Variants in CDCP1 observed in about 807,000 individuals in gnomAD.
The protein encoded by CDCP1 is CUB domain containing protein 1.
CDCP1 carries 29 observed loss-of-function variants against 60.2 expected under a neutral mutation model. That is an observed-to-expected ratio of 0.48 (90% confidence interval 0.36 to 0.66). The LOEUF is 0.66. Ranked by LOEUF, CDCP1 falls within the 30% of genes least tolerant of loss-of-function variation. The pLI is 0.00. For missense variants in CDCP1, 876 were observed against 1,074.3 expected (o/e 0.82, Z 2.58); for synonymous variants, 387 against 431.1 (o/e 0.90, Z 1.27).
In CDCP1 at chr3:45,083,317, G is replaced by A. The variant is rs1216348051; in HGVS notation, c.*2321C>T. 6.6e-6 allele frequency: 1 copy of A among 152,202 alleles called. No individual in the cohort carries two copies. The highest frequency in any genetic ancestry group is 1.5e-5 in the Non-Finnish European group (1 of 68,046). The allele number at this position is 152,202 out of a possible 1,614,324, so 9.4% of individuals were successfully genotyped here. On this transcript the variant is annotated 3_prime_UTR_variant, in exon 9 of 9. Transcript: ENST00000296129. ...GGAAAGGTGCCATAGGCAACGCCAA[G>A]GGCATGACTTAAATATCCTATCCTC...
rs574834021 is a variant in CDCP1 at position 45,084,573 on chromosome 3, C to T, written c.*1065G>A. The T allele has an allele frequency of 6.6e-6, 1 of 152,360 alleles. No homozygotes were observed. The highest frequency in any genetic ancestry group is 1.9e-4 in the East Asian group (1 of 5,178). The allele number at this position is 152,360 out of a possible 1,614,324, so 9.4% of individuals were successfully genotyped here. On this transcript the variant is annotated 3_prime_UTR_variant, in exon 9 of 9. Coordinates refer to ENST00000296129, the MANE Select transcript of CDCP1 (RefSeq NM_022842.5). ...TGGGAATGCAGCCAGCCTCTAGAAGCTTGAAATGGCAAGGAACCGGCTTCT... is the reference window on the plus strand; with the variant it reads ...TGGGAATGCAGCCAGCCTCTAGAAGTTTGAAATGGCAAGGAACCGGCTTCT...
chr3:45,099,973 A>G (rs1225774611), intron 4 of CDCP1, among the ~76,000 whole-genome samples: 1 of 151,510 alleles, frequency 6.6e-6, no homozygotes, highest in East Asian at 1.9e-4. Flanking sequence ...CATTTGTTTT[A>G]GTCTTTGTAT....
At chr3:45,109,324 C>T (rs1698648398) in intron 4 of CDCP1, among the ~76,000 whole-genome samples, 1 of 152,022 alleles carries the variant, frequency 6.6e-6, no homozygotes, top group African/African-American at 2.4e-5. Flanking sequence ...GTTGGGCAAT[C>T]CCTCTAGTGG....
At chr3:45,144,869 G>A (rs1268718944) in intron 1 of CDCP1, among the ~76,000 whole-genome samples, 1 of 152,088 alleles carries the variant, frequency 6.6e-6, no homozygotes, top group Non-Finnish European at 1.5e-5. Flanking sequence ...CATCAGCCAG[G>A]CACAGTGGCT....
intron 4 of CDCP1, among the ~76,000 whole-genome samples, chr3:45,102,213 A>G (rs1698494130): frequency 6.6e-6 from 1 of 151,874 alleles, no homozygotes; most frequent in South Asian, 2.1e-4. Context: ...CTGGGATTAT[A>G]GGCACTTGCC....
intron 1 of CDCP1, 27 bp downstream of exon 1, chr3:45,146,179 C>T (rs1863837): frequency 0.61 from 946,279 of 1,563,078 alleles, 287,991 homozygotes; most frequent in East Asian, 0.77. Context: ...CACTCCACGC[C>T]ATCCGCCTCC....
chr3:45,116,895 G>A (rs542850535), intron 2 of CDCP1, among the ~76,000 whole-genome samples: 4 of 152,094 alleles, frequency 2.6e-5, no homozygotes, highest in African/African-American at 4.8e-5. Context: ...TGATGAAAAC[G>A]TTATACACAG....
chr3:45,106,627 A>G (rs936339983), intron 4 of CDCP1, among the ~76,000 whole-genome samples: 1 of 152,208 alleles, frequency 6.6e-6, no homozygotes, highest in Admixed American at 6.5e-5. Context: ...GGAGTTTAGT[A>G]AGATGCAGAC....
chr3:45,129,256 G>A (rs535087108), intron 1 of CDCP1, among the ~76,000 whole-genome samples: 5 of 152,312 alleles, frequency 3.3e-5, no homozygotes, highest in African/African-American at 4.8e-5. Flanking sequence ...ACACATCTGC[G>A]TATAAACCCC....
Position 45,146,308 on chromosome 3 carries a change from T to A in CDCP1, c.-21A>T. The A allele has an allele frequency of 1.9e-6, 3 of 1,549,646 alleles. No homozygotes were observed. The South Asian group carries it at 3.6e-5, about 19-fold the overall frequency. The stretch of plus-strand genomic sequence containing the variant: ...GCCATGACTCCGGGACGCCTCGGCC[T>A]CGGTGGGGAAAACGACGGTGGGGAG... On this transcript the variant is annotated 5_prime_UTR_variant, in exon 1 of 9. Transcript: ENST00000296129.
intron 2 of CDCP1, among the ~76,000 whole-genome samples, chr3:45,116,680 GA>G (rs1375841838): frequency 1.3e-5 from 2 of 152,196 alleles, no homozygotes; most frequent in African/African-American, 4.8e-5. Flanking sequence ...GAATGTCATA[GA>G]AATTATCTGC....
chr3:45,115,197 C>G (rs1698762636), intron 2 of CDCP1, among the ~76,000 whole-genome samples: 1 of 128,930 alleles, frequency 7.8e-6, no homozygotes, highest in African/African-American at 3.0e-5. Context: ...CCACTGCACT[C>G]CAGCCTGGGT....
chr3:45,144,462 A>G (rs1227648876), intron 1 of CDCP1, among the ~76,000 whole-genome samples: 1 of 152,216 alleles, frequency 6.6e-6, no homozygotes, highest in Non-Finnish European at 1.5e-5. Context: ...AGCGAAAGGG[A>G]AAGTTCCTAG....
At chr3:45,092,725 T>C (rs922037347) in intron 6 of CDCP1, among the ~76,000 whole-genome samples, 1 of 152,188 alleles carries the variant, frequency 6.6e-6, no homozygotes, top group African/African-American at 2.4e-5. Context: ...AGAAGTCACG[T>C]TGTGAGCCAT....
intron 1 of CDCP1, among the ~76,000 whole-genome samples, chr3:45,144,599 C>A (rs2126011801): frequency 6.6e-6 from 1 of 152,250 alleles, no homozygotes; most frequent in Non-Finnish European, 1.5e-5. Context: ...AGAAATGAGA[C>A]CAGGAACAGA....
intron 4 of CDCP1, among the ~76,000 whole-genome samples, chr3:45,103,343 T>C (rs1698513849): frequency 6.6e-6 from 1 of 152,250 alleles, no homozygotes; most frequent in Non-Finnish European, 1.5e-5. Context: ...TCCTGAGTAG[T>C]ACTCCATGAG....
chr3:45,094,291 T>C (rs1007550768), intron 5 of CDCP1, among the ~76,000 whole-genome samples: 5 of 152,068 alleles, frequency 3.3e-5, no homozygotes, highest in Admixed American at 3.3e-4. Context: ...AGTGGTGCGA[T>C]CTCGGCTCAC....
At chr3:45,112,577 AC>A in intron 2 of CDCP1, 132 bp from the exon 3 acceptor site, 3 of 1,284,654 alleles carry the variant, frequency 2.3e-6, no homozygotes, top group Non-Finnish European at 3.2e-6. Flanking sequence ...AGGCAGGGGC[AC>A]CCAGGCCCCA....
rs1407851918 is a variant in CDCP1, at chr3:45,095,468, G to A, written c.1125C>T (p.Phe375=). 5.6e-6 allele frequency: 9 copies of A among 1,614,160 alleles called. No homozygotes were observed. Among genetic ancestry groups the A allele is most frequent in the Non-Finnish European group, 7.6e-6 (9 of 1,180,024 alleles). The change falls in exon 5 of 9, where the codon TTC becomes TTT. Residue 375 remains phenylalanine (F), a synonymous_variant. Coordinates refer to ENST00000296129, the MANE Select transcript of CDCP1 (RefSeq NM_022842.5). ...KQSRKFVPGC[F]VCLESRTCSS... is the part of the protein sequence containing the mutation. Reference sequence around the variant, plus strand: ...TGCAGGTCCGAGATTCTAGACACACGAAACAGCCAGGGACAAACTTGCGGC... The same window carrying A: ...TGCAGGTCCGAGATTCTAGACACACAAAACAGCCAGGGACAAACTTGCGGC...
Sources: allele counts gnomAD v4.1 joint callset (sites outside exome capture counted in the v4.1 genomes callset), GRCh38; gene constraint gnomAD v4.1.1; transcripts MANE v1.5; gene names NCBI Gene and HGNC (gene_info 2026-07-23, HGNC 2026-07-21).